SFXN5: variants seen among roughly 807,000 people sequenced by gnomAD.
SFXN5 encodes the protein sideroflexin-5.
In SFXN5, 43 loss-of-function variants were observed where a neutral mutation model predicts 50.2. The ratio of observed to expected loss-of-function variants is 0.86; its 90% CI spans 0.67 to 1.11. The LOEUF is 1.11. Ranked by LOEUF, SFXN5 falls within the 50% of genes least tolerant of loss-of-function variation. The probability of loss-of-function intolerance (pLI) is 0.00; values close to 1 mark genes in which losing one functional copy is unlikely to be tolerated. For missense variants in SFXN5, 463 were observed against 454.1 expected (o/e 1.02, Z -0.18); for synonymous variants, 203 against 185.8 (o/e 1.09, Z -0.75).
intron 9 of SFXN5, chr2:72,998,109 G>A (rs1270322812): frequency 6.6e-6 from 1 of 152,034 alleles, no homozygotes; most frequent in Non-Finnish European, 1.5e-5. Flanking sequence ...TTTCTTACCA[G>A]TTACATTAAT....
chr2:73,056,007 G>A (rs1682064963), intron 2 of SFXN5, among the ~76,000 whole-genome samples: 1 of 152,152 alleles, frequency 6.6e-6, no homozygotes, highest in Middle Eastern at 3.2e-3. Flanking sequence ...GCGTGATGGT[G>A]CATGCCTGTA....
chr2:72,961,082 C>G lies in SFXN5; in HGVS notation c.945+49G>C, dbSNP rs1373881900. 1.5e-6 allele frequency: 2 copies of G among 1,312,636 alleles called. No homozygotes were observed. Among genetic ancestry groups the G allele is most frequent in the South Asian group, 1.5e-5 (1 of 67,742 alleles). The allele number at this position is 1,312,636 out of a possible 1,614,324, so 81.3% of individuals were successfully genotyped here. On this transcript the variant is annotated intron_variant, in intron 13 of 13. Transcript: ENST00000272433. This position sits in a 1 kb window ranked among gnomAD's most constrained non-coding sequence, Gnocchi z 4.4. Reference sequence around the variant, plus strand: ...GTATGAGTATTTGTTCAGAAATCACCAAACAGCACCCCCTGCCCTGCCCTG... The same window carrying G: ...GTATGAGTATTTGTTCAGAAATCACGAAACAGCACCCCCTGCCCTGCCCTG...
chr2:73,027,399 A>G (rs1677710537), intron 3 of SFXN5, among the ~76,000 whole-genome samples: 1 of 152,260 alleles, frequency 6.6e-6, no homozygotes, highest in African/African-American at 2.4e-5. Flanking sequence ...GTGTTATTAC[A>G]AAATAGTCAA....
rs1671806552 is a variant in SFXN5 at position 72,945,233 on chromosome 2, T to A, written c.946-134A>T. On this transcript the variant is annotated intron_variant, in intron 13 of 13. Coordinates refer to ENST00000272433, the MANE Select transcript of SFXN5 (RefSeq NM_144579.3). The surrounding 1 kb of genome is among the most constrained non-coding windows in gnomAD (Gnocchi z 5.8). ...CCCCCGTGTCCACCCCAGCCAGGGC[T>A]CACATGCCCTACCTAGTGACACATC... 1 of 751,524 alleles carries A rather than the reference T, an allele frequency of 1.3e-6. No homozygotes were observed. Among genetic ancestry groups the A allele is most frequent in the African/African-American group, 1.7e-5 (1 of 57,176 alleles). 46.6% of individuals were successfully genotyped at this position (751,524 alleles called of 1,614,324 possible).
At chr2:73,026,491 C>T (rs1677575817) in intron 3 of SFXN5, among the ~76,000 whole-genome samples, 1 of 152,042 alleles carries the variant, frequency 6.6e-6, no homozygotes, top group Non-Finnish European at 1.5e-5. Context: ...ACCACATATA[C>T]AATAGTGGTT....
chr2:72,971,706 G>C (rs1393211865), intron 10 of SFXN5, 21 bp from the exon 11 acceptor site: 1 of 1,588,236 alleles, frequency 6.3e-7, no homozygotes, highest in East Asian at 2.2e-5. Flanking sequence ...AGGGGATGCA[G>C]AGAGCAGGAT....
chr2:73,002,036 C>T (rs767432205), intron 6 of SFXN5, among the ~76,000 whole-genome samples: 74 of 152,178 alleles, frequency 4.9e-4, no homozygotes, highest in Non-Finnish European at 7.4e-4. Flanking sequence ...TACCTGACTG[C>T]TCACCCTAGC....
intron 2 of SFXN5, among the ~76,000 whole-genome samples, chr2:73,047,253 T>TATATATATATATATATATACACACAC (rs1553522727): frequency 8.0e-4 from 36 of 45,114 alleles, no homozygotes; most frequent in South Asian, 1.7e-3. Flanking sequence ...AAAATATATA[T>TATATATATATATATATATACACACAC]ATATATATAT....
At chr2:72,977,766 G>C (rs1670799814) in intron 10 of SFXN5, among the ~76,000 whole-genome samples, 1 of 152,120 alleles carries the variant, frequency 6.6e-6, no homozygotes, top group Non-Finnish European at 1.5e-5. Flanking sequence ...CTTGAGGTCA[G>C]GAGTTTGAGA....
intron 13 of SFXN5, among the ~76,000 whole-genome samples, chr2:72,946,203 G>A (rs1671913441): frequency 6.6e-6 from 1 of 151,848 alleles, no homozygotes; most frequent in Non-Finnish European, 1.5e-5. Context: ...CCACATGCAG[G>A]AACCTTCTCT....
chr2:73,023,876 T>C (rs1677223319), intron 3 of SFXN5, among the ~76,000 whole-genome samples: 1 of 152,234 alleles, frequency 6.6e-6, no homozygotes, highest in Admixed American at 6.5e-5. Context: ...TGAGGCTGTC[T>C]CTTTCCAGCA....
chr2:72,974,581 T>A (rs761715555), intron 10 of SFXN5, among the ~76,000 whole-genome samples: 3 of 152,212 alleles, frequency 2.0e-5, no homozygotes, highest in Non-Finnish European at 1.5e-5. Flanking sequence ...CCTACACAGA[T>A]GGCACATGAC....
At position 72,945,240 on chromosome 2, in the gene SFXN5, C is replaced by T. The variant is rs1269416933; in HGVS notation, c.946-141G>A. The T allele has an allele frequency of 1.1e-5, 8 of 727,968 alleles. No individual in the cohort carries two copies. The highest frequency in any genetic ancestry group is 2.9e-4 in the Middle Eastern group (1 of 3,402). 45.1% of individuals were successfully genotyped at this position (727,968 alleles called of 1,614,324 possible). On this transcript the variant is annotated intron_variant, in intron 13 of 13. Transcript: ENST00000272433. The surrounding 1 kb of genome is among the most constrained non-coding windows in gnomAD (Gnocchi z 5.8). Reference sequence around the variant, plus strand: ...GTCCACCCCAGCCAGGGCTCACATGCCCTACCTAGTGACACATCTTCCTTC... The same window carrying T: ...GTCCACCCCAGCCAGGGCTCACATGTCCTACCTAGTGACACATCTTCCTTC...
rs1042624163 is a variant in SFXN5 at position 72,998,963 on chromosome 2, C to T, written c.520G>A (p.Ala174Thr). ...IQGYLGAVIS[A>T]VSIAVGLNVL... ...GGAGTACTCACAGCAATGGAGACGG[C>T]GCTGATGACAGCTCCCAGGTATCCC... Residue 174 changes from alanine to threonine, a missense_variant, in exon 9 of 14, where the codon GCC becomes ACC. Transcript: ENST00000272433. 8 of 1,613,932 alleles carry T rather than the reference C, an allele frequency of 5.0e-6. No individual in the cohort carries two copies. Among genetic ancestry groups the T allele is most frequent in the East Asian group, 2.2e-5 (1 of 44,896 alleles).
At chr2:73,041,903 T>A (rs1267680510) in intron 2 of SFXN5, among the ~76,000 whole-genome samples, 1 of 152,156 alleles carries the variant, frequency 6.6e-6, no homozygotes, top group African/African-American at 2.4e-5. Flanking sequence ...TTTGCATTGT[T>A]GCTCAGGCTG....
chr2:72,988,838 G>A (rs1301555020), intron 9 of SFXN5, among the ~76,000 whole-genome samples: 1 of 152,106 alleles, frequency 6.6e-6, no homozygotes, highest in African/African-American at 2.4e-5. Context: ...GGGAGACCCC[G>A]ACACCTGCCC....
At position 72,960,738 on chromosome 2, in the gene SFXN5, T is replaced by C. The variant is rs1673628155; in HGVS notation, c.945+393A>G. ...GTCAGCTCTTGGACATGGCGTGTGC[T>C]GCCTCACCTCTCAGAACCTTCACAC... is the stretch of plus-strand genomic sequence containing the variant. On this transcript the variant is annotated intron_variant, in intron 13 of 13. Transcript: ENST00000272433. The surrounding 1 kb of genome is among the most constrained non-coding windows in gnomAD (Gnocchi z 6.1). Among the ~76,000 whole-genome samples the C allele has an allele frequency of 2.0e-5, 3 of 152,292 alleles. No homozygotes were observed. Among genetic ancestry groups the C allele is most frequent in the African/African-American group, 2.4e-5 (1 of 41,562 alleles).
intron 9 of SFXN5, chr2:72,995,030 C>G (rs1673046451): frequency 6.6e-6 from 1 of 152,216 alleles, no homozygotes; most frequent in African/African-American, 2.4e-5. Flanking sequence ...CTGGGGTCAC[C>G]TTCATCATAA....
chr2:73,024,777 A>G (rs1189450207), intron 3 of SFXN5, among the ~76,000 whole-genome samples: 1 of 152,224 alleles, frequency 6.6e-6, no homozygotes, highest in African/African-American at 2.4e-5. Flanking sequence ...GTTTTATAAT[A>G]GAATGGTTGT....
Sources: gnomAD v4.1 joint callset for allele counts (sites outside exome capture counted in the v4.1 genomes callset) on GRCh38, gnomAD v4.1.1 for gene constraint, Gnocchi (gnomAD v3.1) non-coding constraint, MANE v1.5 for transcripts, NCBI Gene and HGNC (gene_info 2026-07-23, HGNC 2026-07-21) for gene names.